Variants in LPP observed in about 807,000 individuals in gnomAD.
LPP encodes the protein LIM domain containing preferred translocation partner in lipoma, also known as lipoma-preferred partner.
A neutral mutation model predicts 60.4 loss-of-function variants in LPP; 38 were observed. That is an observed-to-expected ratio of 0.63 (90% CI 0.49 to 0.83). LPP has a LOEUF of 0.83. Among genes scored for constraint, LPP ranks in the 40% least tolerant of loss-of-function variants. The pLI is 0.00. For synonymous variants in LPP, 328 were observed against 290.8 expected, an observed-to-expected ratio of 1.13 and a Z score of -1.30; for missense variants, 902 against 783.6, an observed-to-expected ratio of 1.15 and a Z score of -1.80.
At chr3:188,345,560 A>G (rs1392737598) in intron 3 of LPP, among the ~76,000 whole-genome samples, 2 of 152,204 alleles carry the variant, frequency 1.3e-5, no homozygotes, top group Non-Finnish European at 2.9e-5. Flanking sequence ...AATAATAGCC[A>G]ACACAATGAA....
intron 1 of LPP, among the ~76,000 whole-genome samples, chr3:188,196,853 A>G: frequency 6.6e-6 from 1 of 152,162 alleles, no homozygotes. Flanking sequence ...GTGACCTCAC[A>G]CATAGTGTTC....
chr3:188,276,907 T>C (rs952150396), intron 2 of LPP, among the ~76,000 whole-genome samples: 11 of 135,548 alleles, frequency 8.1e-5, no homozygotes, highest in Non-Finnish European at 1.4e-4. Flanking sequence ...TTTTTTTTTT[T>C]TTTTTTTTTT....
rs1362025740 is a variant in LPP at position 188,886,950 on chromosome 3, G to T, written c.*12471G>T. 2 of 231,210 alleles carry T rather than the reference G, an allele frequency of 8.7e-6. No individual in the cohort carries two copies. The highest frequency in any genetic ancestry group is 1.2e-4 in the East Asian group (2 of 16,354). 14.3% of individuals were successfully genotyped at this position (231,210 alleles called of 1,614,324 possible). ...TTAAAATATGCCAAAGCAATTTGAG[G>T]TGGGGGTGGAAACAGGTATTTATCT... On this transcript the variant is annotated 3_prime_UTR_variant, in exon 12 of 12. Transcript: ENST00000617246.
At chr3:188,219,593 A>T (rs1715023297) in intron 1 of LPP, among the ~76,000 whole-genome samples, 1 of 152,146 alleles carries the variant, frequency 6.6e-6, no homozygotes, top group Non-Finnish European at 1.5e-5. Context: ...TAAAGCTGAA[A>T]CCATGCCACA....
chr3:188,600,707 A>G (rs1256043514), intron 6 of LPP, among the ~76,000 whole-genome samples: 1 of 152,084 alleles, frequency 6.6e-6, no homozygotes, highest in Non-Finnish European at 1.5e-5. Context: ...CACTAGCTAC[A>G]TTCTTCCTTC....
At chr3:188,314,985 T>G (rs1309014360) in intron 2 of LPP, among the ~76,000 whole-genome samples, 1 of 152,224 alleles carries the variant, frequency 6.6e-6, no homozygotes, top group Non-Finnish European at 1.5e-5. Context: ...GAAAGTTATT[T>G]CTTTAAAATA....
chr3:188,720,845 TG>T (rs1716084136), intron 8 of LPP, among the ~76,000 whole-genome samples: 1 of 152,198 alleles, frequency 6.6e-6, no homozygotes, highest in Non-Finnish European at 1.5e-5. Context: ...GAGCATCATT[TG>T]TTAAAATTCA....
At chr3:188,669,531 G>C (rs561421039) in intron 7 of LPP, among the ~76,000 whole-genome samples, 1 of 152,134 alleles carries the variant, frequency 6.6e-6, no homozygotes, top group South Asian at 2.1e-4. Context: ...AGCCGAGATC[G>C]CACCACTGCA....
intron 10 of LPP, 44 bp downstream of exon 10, chr3:188,866,422 G>T (rs369827522): frequency 7.3e-7 from 1 of 1,378,370 alleles, no homozygotes; most frequent in South Asian, 1.9e-5. Flanking sequence ...AGTCCTTTTG[G>T]AGTCTGTTCT....
rs190345529 is a variant in LPP, at chr3:188,484,540, A to G, written c.194-52A>G. The G allele has an allele frequency of 2.1e-4, 266 of 1,257,260 alleles. No homozygotes were observed. In the African/African-American group the frequency reaches 3.6e-3, roughly 17 times the overall value. 77.9% of individuals were successfully genotyped at this position (1,257,260 alleles called of 1,614,324 possible). On this transcript the variant is annotated intron_variant, in intron 4 of 11. Transcript: ENST00000617246. ...AAATGCCAGCAAATATATCACGAGT[A>G]CTATAACGTTGCATCCTTATTAACT... is the stretch of plus-strand genomic sequence containing the variant.
At chr3:188,603,025 A>AT (rs1334834189) in intron 6 of LPP, among the ~76,000 whole-genome samples, 1 of 23,400 alleles carries the variant, frequency 4.3e-5, no homozygotes, top group East Asian at 4.2e-3. Context: ...TGTGTTTGAA[A>AT]TAATAATAAT....
intron 5 of LPP, among the ~76,000 whole-genome samples, chr3:188,498,002 T>G (rs1183041234): frequency 6.6e-6 from 1 of 152,162 alleles, no homozygotes; most frequent in Non-Finnish European, 1.5e-5. Flanking sequence ...TAAGCAACAG[T>G]CCCAACATGA....
intron 7 of LPP, among the ~76,000 whole-genome samples, chr3:188,624,385 C>A (rs1846369965): frequency 6.6e-6 from 1 of 152,194 alleles, no homozygotes; most frequent in Non-Finnish European, 1.5e-5. Flanking sequence ...TTACTAATCA[C>A]ATTTGCCATT....
intron 1 of LPP, among the ~76,000 whole-genome samples, chr3:188,219,361 G>A (rs1361159450): frequency 2.6e-5 from 4 of 152,064 alleles, no homozygotes; most frequent in Admixed American, 6.6e-5. Flanking sequence ...TGCTCTAGCC[G>A]GGGCCCGGAA....
At chr3:188,412,473 C>G (rs149584339) in intron 4 of LPP, among the ~76,000 whole-genome samples, 126 of 152,210 alleles carry the variant, frequency 8.3e-4, no homozygotes, top group Non-Finnish European at 1.6e-3. Flanking sequence ...TACTGTCACT[C>G]TCTGAGGTAG....
At chr3:188,547,654 G>A (rs1326162841) in intron 6 of LPP, among the ~76,000 whole-genome samples, 1 of 152,064 alleles carries the variant, frequency 6.6e-6, no homozygotes, top group Non-Finnish European at 1.5e-5. Flanking sequence ...TGAAATTGTG[G>A]CCCAGAAATG....
intron 3 of LPP, among the ~76,000 whole-genome samples, chr3:188,353,706 G>C (rs1216053246): frequency 6.6e-6 from 1 of 152,136 alleles, no homozygotes; most frequent in Non-Finnish European, 1.5e-5. Flanking sequence ...TATGAGTTTG[G>C]GAAAAGAATT....
At chr3:188,197,312 A>C (rs546400260) in intron 1 of LPP, among the ~76,000 whole-genome samples, 2 of 152,232 alleles carry the variant, frequency 1.3e-5, no homozygotes, top group South Asian at 4.1e-4. Flanking sequence ...TTCCCTGCTC[A>C]ATACCATCAC....
At chr3:188,511,364 T>A (rs1815599613) in intron 5 of LPP, among the ~76,000 whole-genome samples, 1 of 140,170 alleles carries the variant, frequency 7.1e-6, no homozygotes, top group African/African-American at 2.6e-5. Flanking sequence ...GAACTTCATA[T>A]CAGTGTGTCT....
Sources: gnomAD v4.1 joint callset for allele counts (sites outside exome capture counted in the v4.1 genomes callset) on GRCh38, gnomAD v4.1.1 for gene constraint, MANE v1.5 for transcripts, NCBI Gene and HGNC (gene_info 2026-07-23, HGNC 2026-07-21) for gene names.